The following LARGE1 variants were observed in gnomAD, a reference collection of about 807,000 sequenced individuals.
LARGE1 encodes the protein xylosyl- and glucuronyltransferase LARGE1.
LARGE1 carries 43 observed loss-of-function variants against 87.6 expected under a neutral mutation model. The observed-to-expected ratio is 0.49, with a 90% CI of 0.38 to 0.63. The LOEUF (loss-of-function observed/expected upper bound fraction) is 0.63. Ranked by LOEUF, LARGE1 falls within the 30% of genes least tolerant of loss-of-function variation. The pLI, the probability that LARGE1 is intolerant of heterozygous loss-of-function variation, is 0.00. For synonymous variants in LARGE1, 434 were observed against 394.6 expected, an observed-to-expected ratio of 1.10 and a Z score of -1.18; for missense variants, 802 against 1,000.2, an observed-to-expected ratio of 0.80 and a Z score of 2.67.
intron 2 of LARGE1, chr22:33,747,691 G>A (rs2145597472): frequency 6.6e-6 from 1 of 152,452 alleles, no homozygotes; most frequent in African/African-American, 2.4e-5. Flanking sequence ...TCCATGAGAA[G>A]AGGGGACTTG....
intron 2 of LARGE1, chr22:33,746,538 C>T (rs1265451227): frequency 1.3e-5 from 2 of 152,258 alleles, no homozygotes; most frequent in African/African-American, 2.4e-5. Context: ...GAATGAATAA[C>T]CTTGGTGATC....
Position 33,337,803 on chromosome 22 carries a change from T to C in LARGE1, c.1132-2A>G, listed in dbSNP as rs749974211. 9 of 1,614,168 alleles carry C rather than the reference T, an allele frequency of 5.6e-6. No individual in the cohort carries two copies. Among genetic ancestry groups the C allele is most frequent in the Non-Finnish European group, 7.6e-6 (9 of 1,180,028 alleles). ...CTTGGGGGAGTTCCAGTGAATGACC[T>C]GGCAGGGAGATAAGGAAGTGGTCAG... On this transcript the variant is annotated splice_acceptor_variant, in intron 9 of 14. Transcript: ENST00000397394. LOFTEE classifies it high-confidence loss of function.
chr22:33,693,847 A>T (rs2082169331), intron 2 of LARGE1, among the ~76,000 whole-genome samples: 1 of 151,896 alleles, frequency 6.6e-6, no homozygotes, highest in South Asian at 2.1e-4. Context: ...AAAAAAAAAG[A>T]GAGAGAAAAA....
chr22:33,540,971 T>TAA (rs550737691), intron 6 of LARGE1, among the ~76,000 whole-genome samples: 2 of 141,624 alleles, frequency 1.4e-5, no homozygotes, highest in African/African-American at 5.3e-5. Flanking sequence ...CCATCTCTAT[T>TAA]AAAAAAAAAT....
chr22:33,678,641 T>C (rs1294344375), intron 2 of LARGE1, among the ~76,000 whole-genome samples: 1 of 152,192 alleles, frequency 6.6e-6, no homozygotes, highest in East Asian at 1.9e-4. Flanking sequence ...AATTCTCTCT[T>C]TCCTGCTTCT....
rs2083184372 is a variant in LARGE1, at chr22:33,723,862, T to G, written c.106+37509A>C. ...TTGCGATTCATCACTGAGCCCAGCC[T>G]TTGGTTGCAGCCAAAACAGGAAAGA... is the stretch of plus-strand genomic sequence containing the variant. On this transcript the variant is annotated intron_variant, in intron 2 of 14. Coordinates refer to ENST00000397394, the MANE Select transcript of LARGE1 (RefSeq NM_133642.5). 2.6e-5 allele frequency: 4 copies of G among 152,196 alleles called. No individual in the cohort carries two copies. In the East Asian group the frequency reaches 7.7e-4, roughly 29 times the overall value. 9.4% of individuals were successfully genotyped at this position (152,196 alleles called of 1,614,324 possible).
intron 9 of LARGE1, among the ~76,000 whole-genome samples, chr22:33,372,800 T>C (rs531255003): frequency 2.0e-5 from 3 of 152,184 alleles, no homozygotes; most frequent in East Asian, 1.9e-4. Flanking sequence ...ACTGAGAAAA[T>C]AGAATAATTT....
At chr22:33,789,887 T>C (rs1488577216) in intron 1 of LARGE1, among the ~76,000 whole-genome samples, 3 of 152,194 alleles carry the variant, frequency 2.0e-5, no homozygotes, top group African/African-American at 7.2e-5. Flanking sequence ...GAGACTAGCC[T>C]TGTCTCAGAT....
At chr22:33,807,500 C>A (rs920352200) in intron 1 of LARGE1, among the ~76,000 whole-genome samples, 2 of 152,190 alleles carry the variant, frequency 1.3e-5, no homozygotes, top group East Asian at 3.8e-4. Flanking sequence ...AAGTTTCTTA[C>A]AACTGGTGAG....
intron 4 of LARGE1, among the ~76,000 whole-genome samples, chr22:33,604,804 C>T (rs1168876234): frequency 6.6e-6 from 1 of 151,782 alleles, no homozygotes; most frequent in Non-Finnish European, 1.5e-5. Flanking sequence ...TCACTACTGA[C>T]ACCCAATTCA....
At chr22:33,346,495 G>A (rs932281117) in intron 9 of LARGE1, among the ~76,000 whole-genome samples, 3 of 152,048 alleles carry the variant, frequency 2.0e-5, no homozygotes, top group Non-Finnish European at 2.9e-5. Context: ...TAGAGACGAG[G>A]TTTCGCCATG....
At chr22:33,647,727 G>C (rs563656900) in intron 3 of LARGE1, among the ~76,000 whole-genome samples, 54 of 152,180 alleles carry the variant, frequency 3.5e-4, no homozygotes, top group Admixed American at 1.8e-3. Flanking sequence ...AATATCCATT[G>C]TCACCACTGA....
At chr22:33,440,934 C>G (rs1013665536) in intron 6 of LARGE1, among the ~76,000 whole-genome samples, 1 of 152,114 alleles carries the variant, frequency 6.6e-6, no homozygotes, top group Non-Finnish European at 1.5e-5. Flanking sequence ...TGAAGACTGC[C>G]AAGGGCGAGC....
intron 6 of LARGE1, among the ~76,000 whole-genome samples, chr22:33,466,117 G>A (rs1403270919): frequency 6.6e-6 from 1 of 152,050 alleles, no homozygotes; most frequent in Non-Finnish European, 1.5e-5. Context: ...CGGCCATGTT[G>A]GACTTTCCAC....
intron 11 of LARGE1, among the ~76,000 whole-genome samples, chr22:33,244,787 C>T (rs565123871): frequency 1.3e-4 from 20 of 152,106 alleles, no homozygotes; most frequent in Non-Finnish European, 2.5e-4. Context: ...AGTGGCGGAG[C>T]TCTTAGTGAT....
intron 2 of LARGE1, among the ~76,000 whole-genome samples, chr22:33,693,775 G>C (rs528928953): frequency 2.6e-5 from 4 of 152,034 alleles, no homozygotes; most frequent in Admixed American, 2.0e-4. Context: ...AGTGAGCCAA[G>C]ATTACACCAT....
intron 1 of LARGE1, among the ~76,000 whole-genome samples, chr22:33,826,469 A>C (rs1241599058): frequency 6.6e-6 from 1 of 151,546 alleles, no homozygotes; most frequent in African/African-American, 2.4e-5. Context: ...CAGCCTCCTG[A>C]GTAGCTGGGA....
At chr22:33,315,444 T>C (rs1234156602) in intron 11 of LARGE1, among the ~76,000 whole-genome samples, 1 of 152,208 alleles carries the variant, frequency 6.6e-6, no homozygotes, top group Non-Finnish European at 1.5e-5. Context: ...ACAGCGTTGC[T>C]TTCCAGCCGC....
chr22:33,892,765 A>G (rs898477833), intron 1 of LARGE1, among the ~76,000 whole-genome samples: 2 of 152,182 alleles, frequency 1.3e-5, no homozygotes, highest in African/African-American at 4.8e-5. Flanking sequence ...AGGTCCCTAC[A>G]CTCCACTGTA....
Sources: allele counts gnomAD v4.1 joint callset (sites outside exome capture counted in the v4.1 genomes callset), GRCh38; gene constraint gnomAD v4.1.1; transcripts MANE v1.5; gene names NCBI Gene and HGNC (gene_info 2026-07-23, HGNC 2026-07-21).